PRKAR1B: variants seen among roughly 807,000 people sequenced by gnomAD.
PRKAR1B encodes the protein protein kinase cAMP-dependent type I regulatory subunit beta.
In PRKAR1B, 22 loss-of-function variants were observed where a neutral mutation model predicts 46.5. That is an observed-to-expected ratio of 0.47 (90% CI 0.34 to 0.68). The LOEUF (loss-of-function observed/expected upper bound fraction) is 0.68. Ranked by LOEUF, PRKAR1B falls within the 30% of genes least tolerant of loss-of-function variation. The pLI is 0.01. For synonymous variants in PRKAR1B, 259 were observed against 217.7 expected (o/e 1.19, Z -1.67); for missense variants, 445 against 535.6 (o/e 0.83, Z 1.67).
At position 600,024 on chromosome 7, in the gene PRKAR1B, A is replaced by G. The variant is rs9771064; in HGVS notation, c.550-3720T>C. On this transcript the variant is annotated intron_variant, in intron 6 of 10. Coordinates refer to ENST00000537384, the MANE Select transcript of PRKAR1B (RefSeq NM_001164760.2). Reference sequence around the variant, plus strand: ...TGTGTTTAGAAGTCAATGGTGGGACAGGGGTGCCAGGAGCTGGGGGAGGCG... The same window carrying G: ...TGTGTTTAGAAGTCAATGGTGGGACGGGGGTGCCAGGAGCTGGGGGAGGCG... 6.3e-3 allele frequency among the ~76,000 whole-genome samples: 898 copies of G among 142,612 alleles called. 3 individuals are homozygous for G. The highest frequency in any genetic ancestry group is 0.026 in the African/African-American group (841 of 32,578). 93.6% of individuals were successfully genotyped at this position (142,612 alleles called of 152,430 possible).
Position 550,574 on chromosome 7 carries a change from G to C in PRKAR1B, c.1002C>G (p.Pro334=). Reference sequence around the variant, plus strand: ...CCCGGGCCACGACAGTGGCCGCCCGGGGCCGGTTCAGCAGCAGTGCAATCT... The same window carrying C: ...CCCGGGCCACGACAGTGGCCGCCCGCGGCCGGTTCAGCAGCAGTGCAATCT... The part of the protein sequence containing the change: ...FGEIALLLNR[P]RAATVVARGP... The change falls in exon 11 of 11, where the codon CCC becomes CCG. Residue 334 remains proline (P), a synonymous_variant. Coordinates refer to ENST00000537384, the MANE Select transcript of PRKAR1B (RefSeq NM_001164760.2). The C allele has an allele frequency of 6.3e-7, 1 of 1,593,494 alleles. No homozygotes were observed. The highest frequency in any genetic ancestry group is 8.5e-7 in the Non-Finnish European group (1 of 1,171,936).
intron 2 of PRKAR1B, among the ~76,000 whole-genome samples, chr7:707,069 C>A (rs4439025): frequency 0.64 from 97,700 of 151,604 alleles, 31,594 homozygotes; most frequent in Admixed American, 0.68. Context: ...TGGTCCAGAA[C>A]ACGCAGCAGG....
At chr7:559,913 A>G (rs998604411) in intron 9 of PRKAR1B, among the ~76,000 whole-genome samples, 2 of 152,144 alleles carry the variant, frequency 1.3e-5, no homozygotes, top group African/African-American at 4.8e-5. Flanking sequence ...CCATCTCTAC[A>G]AAAAGTAAAT....
rs1054329904 is a variant in PRKAR1B, at chr7:593,814, G to A, written c.708+2332C>T. 6.6e-6 allele frequency among the ~76,000 whole-genome samples: 1 copy of A among 152,178 alleles called. No homozygotes were observed. On this transcript the variant is annotated intron_variant, in intron 7 of 10. Coordinates refer to ENST00000537384, the MANE Select transcript of PRKAR1B (RefSeq NM_001164760.2). The surrounding 1 kb of genome is among the most constrained non-coding windows in gnomAD (Gnocchi z 6.1). The stretch of plus-strand genomic sequence containing the variant: ...TACTGGAGTATCCCCAGCAGCACAG[G>A]AGCCCCAGACCCAGGGTGGGCACCC...
chr7:682,792 A>G (rs533176074), intron 2 of PRKAR1B, among the ~76,000 whole-genome samples: 3 of 152,168 alleles, frequency 2.0e-5, no homozygotes, highest in Non-Finnish European at 4.4e-5. Context: ...ACCTGTCCTA[A>G]CAGATATGAA....
chr7:588,447 ATGGTGATGG>A (rs1482002104), intron 7 of PRKAR1B, among the ~76,000 whole-genome samples: 3 of 114,760 alleles, frequency 2.6e-5, no homozygotes, highest in African/African-American at 7.1e-5. Context: ...GACAGTGGTG[ATGGTGATGG>A]TGATGGTGGT....
chr7:640,613 A>T (rs1222275450), intron 4 of PRKAR1B, among the ~76,000 whole-genome samples: 2 of 151,898 alleles, frequency 1.3e-5, no homozygotes, highest in Non-Finnish European at 2.9e-5. Context: ...AAATACAAAA[A>T]TTAGCCGGGT....
At chr7:552,688 C>T (rs1477441261) in intron 9 of PRKAR1B, among the ~76,000 whole-genome samples, 2 of 152,320 alleles carry the variant, frequency 1.3e-5, no homozygotes, top group African/African-American at 4.8e-5. Context: ...GCCCCCCGCA[C>T]CTTTGCCGAG....
At position 680,477 on chromosome 7, in the gene PRKAR1B, G is replaced by A. The variant is rs1481252303; in HGVS notation, c.348+79C>T. 7.9e-6 allele frequency: 11 copies of A among 1,397,396 alleles called. No homozygotes were observed. In the Admixed American group the frequency reaches 1.0e-4, roughly 13 times the overall value. 86.6% of individuals were successfully genotyped at this position (1,397,396 alleles called of 1,614,324 possible). A position where few individuals can be genotyped will look rare whatever the true frequency, so the allele number is the denominator to read the frequency against. ...ACCCCCAGGAGGATGAGGGTGCCCC[G>A]TGGGCTTCCAGGGAGCTCACAGGTG... On this transcript the variant is annotated intron_variant, in intron 3 of 10. Transcript: ENST00000537384.
intron 4 of PRKAR1B, among the ~76,000 whole-genome samples, chr7:609,897 C>A (rs567137130): frequency 6.6e-6 from 1 of 152,102 alleles, no homozygotes; most frequent in Non-Finnish European, 1.5e-5. Flanking sequence ...CGTGCCACCA[C>A]GCCTGCTTAT....
At chr7:566,168 T>C (rs796671049) in intron 9 of PRKAR1B, among the ~76,000 whole-genome samples, 6 of 64,376 alleles carry the variant, frequency 9.3e-5, no homozygotes, top group East Asian at 5.1e-4. Context: ...CCATCATCAC[T>C]ATCACCATCA....
chr7:552,598 C>A (rs536937818), intron 9 of PRKAR1B, among the ~76,000 whole-genome samples: 17 of 152,366 alleles, frequency 1.1e-4, no homozygotes, highest in African/African-American at 3.8e-4. Context: ...CACCGCGGGA[C>A]CTGCCCAGAG....
intron 5 of PRKAR1B, among the ~76,000 whole-genome samples, chr7:606,565 C>T (rs1782070827): frequency 6.6e-6 from 1 of 152,080 alleles, no homozygotes; most frequent in Admixed American, 6.5e-5. Context: ...CCTGCCTCAG[C>T]CTCTGGAGTA....
At chr7:598,102 A>G (rs949359426) in intron 6 of PRKAR1B, among the ~76,000 whole-genome samples, 9 of 152,144 alleles carry the variant, frequency 5.9e-5, no homozygotes, top group Admixed American at 3.3e-4. Flanking sequence ...CTGGGGTGGC[A>G]GTCGCCACTG....
intron 4 of PRKAR1B, among the ~76,000 whole-genome samples, chr7:674,343 C>G (rs1786461239): frequency 6.6e-6 from 1 of 152,148 alleles, no homozygotes; most frequent in African/African-American, 2.4e-5. Context: ...CAGCCATGCC[C>G]AGCTATTCCA....
rs952415392 is a variant in PRKAR1B at position 724,570 on chromosome 7, C to T, written c.-23+2640G>A. 5.9e-5 allele frequency among the ~76,000 whole-genome samples: 9 copies of T among 152,194 alleles called. No individual in the cohort carries two copies. In the South Asian group the frequency reaches 1.0e-3, roughly 17 times the overall value. On this transcript the variant is annotated intron_variant, in intron 1 of 10. Transcript: ENST00000537384. ...TTTCCCTGTATAAGTTACCCAGTCT[C>T]GGCCATGTCTTTATTAGCAGCGTGA...
rs1583263515 is a variant in PRKAR1B at position 592,001 on chromosome 7, TGA to T, written c.708+4143_708+4144del. 3.9e-5 allele frequency among the ~76,000 whole-genome samples: 6 copies of T among 152,194 alleles called. No homozygotes were observed. In the East Asian group the frequency reaches 1.2e-3, roughly 29 times the overall value. On this transcript the variant is annotated intron_variant, in intron 7 of 10. Transcript: ENST00000537384. ...CCAGCGTGACAGACCCCAGGGCCAA[TGA>T]GAAGAGAAAGAGGCCCAGGCAGGCG...
chr7:575,532 C>G lies in PRKAR1B; in HGVS notation c.891+3724G>C, dbSNP rs187700881. Among the ~76,000 whole-genome samples the G allele has an allele frequency of 5.3e-5, 8 of 152,250 alleles. No individual in the cohort carries two copies. The East Asian group carries it at 1.5e-3, about 29-fold the overall frequency. ...AAGACAGCCAAGAATTTGAAGCCAT[C>G]TTTTTTTGTTTTTGGTTTTGGTTTT... On this transcript the variant is annotated intron_variant, in intron 9 of 10. Coordinates refer to ENST00000537384, the MANE Select transcript of PRKAR1B (RefSeq NM_001164760.2).
intron 8 of PRKAR1B, among the ~76,000 whole-genome samples, chr7:583,759 C>CGCACCCATGCACACTCACGTGT (rs1562537924): frequency 6.6e-6 from 1 of 151,600 alleles, no homozygotes; most frequent in East Asian, 2.0e-4. Flanking sequence ...CATGTGCACT[C>CGCACCCATGCACACTCACGTGT]GCACCCATGC....
Sources: gnomAD v4.1 joint callset for allele counts (sites outside exome capture counted in the v4.1 genomes callset) on GRCh38, gnomAD v4.1.1 for gene constraint, Gnocchi (gnomAD v3.1) non-coding constraint, MANE v1.5 for transcripts, NCBI Gene and HGNC (gene_info 2026-07-23, HGNC 2026-07-21) for gene names.